Variants in NTN1 observed in about 807,000 individuals in gnomAD.
The protein encoded by NTN1 is netrin-1.
Under a neutral mutation model 54.2 loss-of-function variants are expected in NTN1, and 11 were observed. The ratio of observed to expected loss-of-function variants is 0.20; its 90% CI spans 0.13 to 0.34. NTN1 has a LOEUF of 0.34. Ranked by LOEUF, NTN1 falls within the 10% of genes least tolerant of loss-of-function variation. The pLI, the probability that NTN1 is intolerant of heterozygous loss-of-function variation, is 1.00. For synonymous variants in NTN1, 371 were observed against 382.0 expected (o/e 0.97, Z 0.33); for missense variants, 740 against 893.1 (o/e 0.83, Z 2.18).
chr17:9,227,599 C>T (rs1478169035), intron 6 of NTN1, among the ~76,000 whole-genome samples: 2 of 146,634 alleles, frequency 1.4e-5, no homozygotes, highest in African/African-American at 5.1e-5. Flanking sequence ...TGCATACACA[C>T]ACCATCACAC....
chr17:9,060,974 CAAA>C (rs10689277), intron 2 of NTN1, among the ~76,000 whole-genome samples: 1 of 108,808 alleles, frequency 9.2e-6, no homozygotes, highest in Non-Finnish European at 1.7e-5. Flanking sequence ...GACTCTGTCT[CAAA>C]AAAAAAAAAA....
intron 5 of NTN1, among the ~76,000 whole-genome samples, chr17:9,193,931 A>ACAAAAAAC (rs1555574979): frequency 8.1e-6 from 1 of 123,470 alleles, no homozygotes; most frequent in African/African-American, 3.7e-5. Context: ...AAAAAAAAAA[A>ACAAAAAAC]AAAAAAAAAA....
At chr17:9,204,509 G>T (rs113930042) in intron 5 of NTN1, among the ~76,000 whole-genome samples, 27,605 of 152,188 alleles carry the variant, frequency 0.18, 3,079 homozygotes, top group Non-Finnish European at 0.26. Context: ...TGGCCAGGCT[G>T]GTCTCGAACT....
intron 6 of NTN1, among the ~76,000 whole-genome samples, chr17:9,235,431 A>G (rs1473734350): frequency 1.3e-5 from 2 of 151,690 alleles, no homozygotes; most frequent in African/African-American, 4.8e-5. Context: ...TAGGACATCA[A>G]TGCAGGGACA....
At chr17:9,079,282 C>T (rs1211646191) in intron 2 of NTN1, among the ~76,000 whole-genome samples, 1 of 152,192 alleles carries the variant, frequency 6.6e-6, no homozygotes, top group African/African-American at 2.4e-5. Context: ...GGGTGAGCTG[C>T]AGCAACTTGT....
At chr17:9,226,469 C>CGG (rs1567744996) in intron 6 of NTN1, among the ~76,000 whole-genome samples, 525 of 40,610 alleles carry the variant, frequency 0.013, 8 homozygotes, top group Non-Finnish European at 0.017. Flanking sequence ...CGTGGGGAGG[C>CGG]TGTCTCGTGG....
the NTN1 span, among the ~76,000 whole-genome samples, chr17:9,016,101 C>T: frequency 6.6e-6 from 1 of 151,880 alleles, no homozygotes; most frequent in Non-Finnish European, 1.5e-5. Flanking sequence ...AAAAAAACCC[C>T]CACAAAACTC....
chr17:9,087,328 A>G (rs2092092768), intron 2 of NTN1, among the ~76,000 whole-genome samples: 1 of 152,098 alleles, frequency 6.6e-6, no homozygotes, highest in African/African-American at 2.4e-5. Context: ...AGACCCAAAG[A>G]GGCTGTGTGG....
At position 9,023,331 on chromosome 17, in the gene NTN1, C is replaced by A; in HGVS notation, c.958C>A (p.Pro320Thr). 6.6e-7 allele frequency: 1 copy of A among 1,526,438 alleles called. No individual in the cohort carries two copies. Among genetic ancestry groups the A allele is most frequent in the Non-Finnish European group, 8.8e-7 (1 of 1,137,174 alleles). The allele number at this position is 1,526,438 out of a possible 1,614,324, so 94.6% of individuals were successfully genotyped here. A position where few individuals can be genotyped will look rare whatever the true frequency, so the allele number is the denominator to read the frequency against. ...TAGPECDRCK[P>T]FHYDRPWQRA... The stretch of plus-strand genomic sequence containing the variant: ...CGGCCCGGAGTGCGACCGCTGCAAG[C>A]CCTTCCACTACGACCGGCCCTGGCA... Residue 320 changes from proline (P) to threonine (T), a missense_variant, in exon 2 of 7, where the codon CCC (proline) becomes ACC (threonine). By Grantham distance (38) the Pro-to-Thr change is conservative. Coordinates refer to ENST00000173229, the MANE Select transcript of NTN1 (RefSeq NM_004822.3).
chr17:9,084,307 C>T (rs536486936), intron 2 of NTN1, among the ~76,000 whole-genome samples: 177 of 152,268 alleles, frequency 1.2e-3, no homozygotes, highest in African/African-American at 4.2e-3. Context: ...CACTAACATG[C>T]TGGGGATAGC....
At chr17:9,050,846 T>C (rs1597470009) in intron 2 of NTN1, among the ~76,000 whole-genome samples, 1 of 152,114 alleles carries the variant, frequency 6.6e-6, no homozygotes, top group East Asian at 1.9e-4. Flanking sequence ...GTGCAGTGCC[T>C]GCCTTACCAG....
chr17:9,213,338 C>T (rs1597541422), intron 5 of NTN1, among the ~76,000 whole-genome samples: 2 of 152,212 alleles, frequency 1.3e-5, no homozygotes, highest in East Asian at 3.9e-4. Context: ...TGGTGCAGGA[C>T]CTCCTGCAGA....
At chr17:9,121,436 T>C (rs2092231426) in intron 2 of NTN1, among the ~76,000 whole-genome samples, 1 of 152,148 alleles carries the variant, frequency 6.6e-6, no homozygotes, top group Admixed American at 6.6e-5. Context: ...GCCTGCCCAA[T>C]GCGTGCTTCC....
At chr17:9,139,011 G>A (rs1433537598) in intron 2 of NTN1, among the ~76,000 whole-genome samples, 1 of 152,168 alleles carries the variant, frequency 6.6e-6, no homozygotes, top group Non-Finnish European at 1.5e-5. Context: ...TGGAGGCTGG[G>A]AAGGCCATCC....
intron 2 of NTN1, among the ~76,000 whole-genome samples, chr17:9,117,942 A>G (rs1248099377): frequency 2.6e-5 from 4 of 152,106 alleles, no homozygotes; most frequent in African/African-American, 9.7e-5. Flanking sequence ...GTTGGAAGTG[A>G]AAAGGGACAG....
intron 5 of NTN1, among the ~76,000 whole-genome samples, chr17:9,208,938 TC>T (rs1905032654): frequency 6.6e-6 from 1 of 152,216 alleles, no homozygotes; most frequent in African/African-American, 2.4e-5. Flanking sequence ...ATCTCAGCTC[TC>T]CTCCTGGCCT....
At chr17:9,090,132 A>G (rs2092104905) in intron 2 of NTN1, among the ~76,000 whole-genome samples, 1 of 148,690 alleles carries the variant, frequency 6.7e-6, no homozygotes, top group South Asian at 2.2e-4. Context: ...GGCATTGATC[A>G]TCTTTTGGTA....
intron 2 of NTN1, among the ~76,000 whole-genome samples, chr17:9,140,369 C>G (rs1036649621): frequency 6.6e-6 from 1 of 152,170 alleles, no homozygotes; most frequent in African/African-American, 2.4e-5. Flanking sequence ...CCTCTGAAAA[C>G]AACAGAAGGA....
At chr17:9,099,587 G>T (rs2092143081) in intron 2 of NTN1, among the ~76,000 whole-genome samples, 1 of 151,592 alleles carries the variant, frequency 6.6e-6, no homozygotes, top group Non-Finnish European at 1.5e-5. Flanking sequence ...ATTCTACAAT[G>T]AACATCATAG....
Sources: gnomAD v4.1 joint callset for allele counts (sites outside exome capture counted in the v4.1 genomes callset) on GRCh38, gnomAD v4.1.1 for gene constraint, MANE v1.5 for transcripts, NCBI Gene and HGNC (gene_info 2026-07-23, HGNC 2026-07-21) for gene names.